Variants in CACNA2D2 observed in about 807,000 individuals in gnomAD.
CACNA2D2 encodes the protein calcium voltage-gated channel auxiliary subunit alpha2delta 2.
In CACNA2D2, 48 loss-of-function variants were observed where a neutral mutation model predicts 166.4. That is an observed-to-expected ratio of 0.29 (90% confidence interval 0.23 to 0.37). The LOEUF (loss-of-function observed/expected upper bound fraction) is 0.37. CACNA2D2 is among the 10% of genes least tolerant of loss of function. CACNA2D2 has a pLI of 1.00. For synonymous variants in CACNA2D2, 561 were observed against 573.7 expected (o/e 0.98, Z 0.32); for missense variants, 1,122 against 1,433.0 (o/e 0.78, Z 3.50).
intron 2 of CACNA2D2, among the ~76,000 whole-genome samples, chr3:50,456,505 TGGCTGAGA>T (rs1709365973): frequency 6.6e-6 from 1 of 152,204 alleles, no homozygotes; most frequent in Non-Finnish European, 1.5e-5. Flanking sequence ...GCTTGCTAGG[TGGCTGAGA>T]GTCTGTCCCA....
chr3:50,466,088 T>A (rs952433048), intron 2 of CACNA2D2, among the ~76,000 whole-genome samples: 1 of 152,056 alleles, frequency 6.6e-6, no homozygotes, highest in Non-Finnish European at 1.5e-5. Flanking sequence ...GAGCACTGGA[T>A]TAGGGATGAG....
intron 2 of CACNA2D2, among the ~76,000 whole-genome samples, chr3:50,473,447 C>T: frequency 6.6e-6 from 1 of 152,230 alleles, no homozygotes; most frequent in South Asian, 2.1e-4. Flanking sequence ...GCCTGGATGC[C>T]AGATCACCCC....
intron 3 of CACNA2D2, among the ~76,000 whole-genome samples, chr3:50,402,875 G>C (rs1311846702): frequency 6.6e-6 from 1 of 152,228 alleles, no homozygotes; most frequent in African/African-American, 2.4e-5. Flanking sequence ...ATTGGGTGAG[G>C]GTACCCATCC....
intron 1 of CACNA2D2, among the ~76,000 whole-genome samples, chr3:50,494,633 C>A (rs1399439150): frequency 6.6e-6 from 1 of 152,132 alleles, no homozygotes; most frequent in Non-Finnish European, 1.5e-5. Context: ...CAAAGCAGAC[C>A]TCAACTTGCC....
rs781547053 is a variant in CACNA2D2, at chr3:50,434,264, C to T, written c.405+49G>A. On this transcript the variant is annotated intron_variant, in intron 3 of 37. Transcript: ENST00000424201. ...GCCCTCATGGTACAGGACCTCTCCA[C>T]CTGGCCCTCCCTCAGTGCCGCCCCC... The T allele has an allele frequency of 3.0e-6, 4 of 1,313,308 alleles. No homozygotes were observed. In the Admixed American group the frequency reaches 6.8e-5, roughly 22 times the overall value. 81.4% of individuals were successfully genotyped at this position (1,313,308 alleles called of 1,614,324 possible).
At chr3:50,429,580 C>CTACTAAAAAAAAA (rs2106872830) in intron 3 of CACNA2D2, among the ~76,000 whole-genome samples, 1 of 112,428 alleles carries the variant, frequency 8.9e-6, no homozygotes, top group African/African-American at 3.5e-5. Flanking sequence ...AACCCCATCT[C>CTACTAAAAAAAAA]TACTAAAAAT....
At position 50,365,609 on chromosome 3, in the gene CACNA2D2, A is replaced by C; in HGVS notation, c.2971+24T>G. ...TCAGATTGGGGACCCGGACTTGAGG[A>C]GGCGCCTCCAAAGCCCTACCTACCT... On this transcript the variant is annotated intron_variant, in intron 34 of 37. Transcript: ENST00000424201. This position sits in a 1 kb window ranked among gnomAD's most constrained non-coding sequence, Gnocchi z 4.5. 6.4e-7 allele frequency: 1 copy of C among 1,572,562 alleles called. No homozygotes were observed. The highest frequency in any genetic ancestry group is 1.3e-5 in the African/African-American group (1 of 74,470).
chr3:50,446,008 C>T (rs893922712), intron 2 of CACNA2D2, among the ~76,000 whole-genome samples: 1 of 152,250 alleles, frequency 6.6e-6, no homozygotes, highest in African/African-American at 2.4e-5. Flanking sequence ...CCAGCATTTA[C>T]CTTCCCGCAT....
At chr3:50,494,206 G>A (rs2107169970) in intron 1 of CACNA2D2, among the ~76,000 whole-genome samples, 1 of 152,306 alleles carries the variant, frequency 6.6e-6, no homozygotes, top group African/African-American at 2.4e-5. Context: ...TAGCACAGAG[G>A]CCTGCTCTGC....
chr3:50,443,616 C>T (rs1708708979), intron 2 of CACNA2D2, among the ~76,000 whole-genome samples: 1 of 152,224 alleles, frequency 6.6e-6, no homozygotes, highest in South Asian at 2.1e-4. Flanking sequence ...CCTGGCCCAG[C>T]TTGGCCTTGG....
At chr3:50,391,365 C>T (rs1705878401) in intron 4 of CACNA2D2, among the ~76,000 whole-genome samples, 1 of 152,264 alleles carries the variant, frequency 6.6e-6, no homozygotes, top group Non-Finnish European at 1.5e-5. Context: ...CCCAGCTCCT[C>T]CCTGGTGGTG....
intron 2 of CACNA2D2, among the ~76,000 whole-genome samples, chr3:50,461,410 T>C (rs530583505): frequency 2.0e-5 from 3 of 152,164 alleles, no homozygotes; most frequent in Non-Finnish European, 2.9e-5. Flanking sequence ...CTCCAAAGTC[T>C]GGCTCCCCTG....
chr3:50,462,731 A>G (rs1709647666), intron 2 of CACNA2D2, among the ~76,000 whole-genome samples: 1 of 152,138 alleles, frequency 6.6e-6, no homozygotes, highest in African/African-American at 2.4e-5. Flanking sequence ...CTCAGAGATT[A>G]GAAAGTGACA....
chr3:50,375,688 C>T lies in CACNA2D2; in HGVS notation c.1863G>A (p.Val621=), dbSNP rs768767245. Residue 621 remains valine, a synonymous_variant, in exon 21 of 38, where the codon GTG becomes GTA. Transcript: ENST00000424201. The surrounding 1 kb of genome is among the most constrained non-coding windows in gnomAD (Gnocchi z 4.0). ...KSLDERYIDE[V]TRNYTWVPIR... ...TAGGCACCCAGGTGTAGTTCCGTGT[C>T]ACCTCATCTATGTACCTCTGGGAGA... The T allele has an allele frequency of 1.9e-6, 3 of 1,613,092 alleles. No homozygotes were observed. The Admixed American group carries it at 5.0e-5, about 27-fold the overall frequency.
intron 3 of CACNA2D2, among the ~76,000 whole-genome samples, chr3:50,424,058 T>C (rs774861034): frequency 6.6e-6 from 1 of 152,266 alleles, no homozygotes; most frequent in Non-Finnish European, 1.5e-5. Flanking sequence ...TGTGCGGCCA[T>C]ACCTGTTCCA....
chr3:50,445,772 C>A (rs982379026), intron 2 of CACNA2D2, among the ~76,000 whole-genome samples: 1 of 152,176 alleles, frequency 6.6e-6, no homozygotes, highest in African/African-American at 2.4e-5. Flanking sequence ...AAGAAAGCTC[C>A]CATTTTGGAC....
intron 2 of CACNA2D2, among the ~76,000 whole-genome samples, chr3:50,453,963 C>T (rs1028583115): frequency 6.6e-6 from 1 of 152,092 alleles, no homozygotes; most frequent in South Asian, 2.1e-4. Flanking sequence ...ATCTGTTCTG[C>T]CCTGCCCCCG....
At chr3:50,485,966 C>T (rs1461654803) in intron 1 of CACNA2D2, among the ~76,000 whole-genome samples, 1 of 152,156 alleles carries the variant, frequency 6.6e-6, no homozygotes, top group Non-Finnish European at 1.5e-5. Flanking sequence ...GAACCACCCA[C>T]CCCGGCCACT....
chr3:50,446,722 C>A (rs541908567), intron 2 of CACNA2D2, among the ~76,000 whole-genome samples: 1 of 152,238 alleles, frequency 6.6e-6, no homozygotes, highest in African/African-American at 2.4e-5. Flanking sequence ...TTCAGGATAA[C>A]AAGCCCCTAA....
Sources: allele counts gnomAD v4.1 joint callset (sites outside exome capture counted in the v4.1 genomes callset), GRCh38; gene constraint gnomAD v4.1.1; non-coding constraint Gnocchi (gnomAD v3.1); transcripts MANE v1.5; gene names NCBI Gene and HGNC (gene_info 2026-07-23, HGNC 2026-07-21).